Variants in FAM237A observed in about 807,000 individuals in gnomAD.
FAM237A encodes protein FAM237A.
Under a neutral mutation model 12.5 loss-of-function variants are expected in FAM237A, and 14 were observed. That is an observed-to-expected ratio of 1.12 (90% CI 0.74 to 1.75). FAM237A has a LOEUF of 1.75. Among genes scored for constraint, FAM237A ranks in the 40% most tolerant of loss-of-function variants. The pLI, the probability that FAM237A is intolerant of heterozygous loss-of-function variation, is 0.00. For synonymous variants in FAM237A, 85 were observed against 77.5 expected (o/e 1.10, Z -0.51); for missense variants, 240 against 211.7 (o/e 1.13, Z -0.83).
At chr2:206,647,638 C>CACACACACAG (rs1699333429) in intron 2 of FAM237A, among the ~76,000 whole-genome samples, 2 of 144,178 alleles carry the variant, frequency 1.4e-5, no homozygotes, top group Non-Finnish European at 3.1e-5. Context: ...CACAGACACA[C>CACACACACAG]ACACACACAC....
chr2:206,648,578 G>C, intron 2 of FAM237A, 83 bp from the exon 3 acceptor site: 1 of 1,373,534 alleles, frequency 7.3e-7, no homozygotes, highest in Non-Finnish European at 9.8e-7. Context: ...CATCAAACCT[G>C]CCTTTTAAAG....
In FAM237A at chr2:206,648,738, C is replaced by G. The variant is rs750888885; in HGVS notation, c.490C>G (p.Arg164Gly). Residue 164 changes from arginine (R) to glycine (G), a missense_variant, in exon 3 of 3, where the codon CGT becomes GGT. Transcript: ENST00000441223. ...LIEDLISMHV[R>G]RSGSSVIGKV... ...TGAAGATTTGATAAGCATGCATGTGCGTAGGAGTGGGTCTAGTGTCATTGG... is the reference window on the plus strand; with the variant it reads ...TGAAGATTTGATAAGCATGCATGTGGGTAGGAGTGGGTCTAGTGTCATTGG... 2 of 1,570,846 alleles carry G rather than the reference C, an allele frequency of 1.3e-6. No homozygotes were observed. The highest frequency in any genetic ancestry group is 8.6e-7 in the Non-Finnish European group (1 of 1,156,342).
At chr2:206,646,302 T>TAA (rs199557802) in intron 2 of FAM237A, among the ~76,000 whole-genome samples, 82 of 142,730 alleles carry the variant, frequency 5.7e-4, no homozygotes, top group African/African-American at 2.1e-3. Flanking sequence ...GACTCTATCT[T>TAA]AAAAAAAAAA....
chr2:206,646,512 C>T (rs1034385722), intron 2 of FAM237A, among the ~76,000 whole-genome samples: 12 of 152,132 alleles, frequency 7.9e-5, no homozygotes, highest in African/African-American at 2.9e-4. Flanking sequence ...TCACTTCCTT[C>T]GTCTTGCTAC....
At chr2:206,643,344 C>CT (rs1699277082) in intron 1 of FAM237A, 3 of 152,210 alleles carry the variant, frequency 2.0e-5, no homozygotes, top group East Asian at 1.9e-4. Flanking sequence ...AATATATACA[C>CT]TTTTTCTGGC....
chr2:206,643,445 G>A (rs1294828250), intron 1 of FAM237A: 1 of 152,104 alleles, frequency 6.6e-6, no homozygotes, highest in Non-Finnish European at 1.5e-5. Flanking sequence ...CAATTTCAAA[G>A]TGGTATGTAG....
At position 206,648,940 on chromosome 2, in the gene FAM237A, AG is replaced by A. The variant is rs1168865541; in HGVS notation, c.*147del. On this transcript the variant is annotated 3_prime_UTR_variant, in exon 3 of 3. Transcript: ENST00000441223. ...AAATTCTCTCAGTATACTAATTTAA[AG>A]CTGCCTTCTATTATTTATTTATTTA... is the stretch of plus-strand genomic sequence containing the variant. 1 of 501,532 alleles carries A rather than the reference AG, an allele frequency of 2.0e-6. No individual in the cohort carries two copies. Among genetic ancestry groups the A allele is most frequent in the Non-Finnish European group, 3.1e-6 (1 of 318,860 alleles). 31.1% of individuals were successfully genotyped at this position (501,532 alleles called of 1,614,324 possible).
At chr2:206,647,632 G>GACACACACACACACACAC (rs34672675) in intron 2 of FAM237A, among the ~76,000 whole-genome samples, 21 of 139,646 alleles carry the variant, frequency 1.5e-4, no homozygotes, top group South Asian at 5.1e-4. Context: ...GAGACACACA[G>GACACACACACACACACAC]ACACACACAC....
At position 206,648,912 on chromosome 2, in the gene FAM237A, C is replaced by A. The variant is rs927441042; in HGVS notation, c.*118C>A. On this transcript the variant is annotated 3_prime_UTR_variant, in exon 3 of 3. Coordinates refer to ENST00000441223, the MANE Select transcript of FAM237A (RefSeq NM_001102659.3). ...GGGAATGCCCAGAGATAAATATGAA[C>A]CCAAATTCTCTCAGTATACTAATTT... The A allele has an allele frequency of 2.2e-5, 16 of 732,528 alleles. No individual in the cohort carries two copies. Among genetic ancestry groups the A allele is most frequent in the African/African-American group, 2.1e-4 (11 of 53,464 alleles). 45.4% of individuals were successfully genotyped at this position (732,528 alleles called of 1,614,324 possible).
chr2:206,647,666 C>CACACAG (rs1303308418), intron 2 of FAM237A, among the ~76,000 whole-genome samples: 4 of 148,260 alleles, frequency 2.7e-5, no homozygotes, highest in East Asian at 2.0e-4. Flanking sequence ...CACACACACA[C>CACACAG]AGAGAGAGTG....
chr2:206,649,177 T>C lies in FAM237A; in HGVS notation c.*383T>C, dbSNP rs1699355692. On this transcript the variant is annotated 3_prime_UTR_variant, in exon 3 of 3. Coordinates refer to ENST00000441223, the MANE Select transcript of FAM237A (RefSeq NM_001102659.3). ...GGCTTCCAAGACTTCAACCACTGGA[T>C]TGCTTATGCACAGGCACATAAGGGA... is the stretch of plus-strand genomic sequence containing the variant. Among the ~76,000 whole-genome samples, 1 of 152,188 alleles carries C rather than the reference T, an allele frequency of 6.6e-6. No homozygotes were observed. The highest frequency in any genetic ancestry group is 6.5e-5 in the Admixed American group (1 of 15,274).
intron 2 of FAM237A, among the ~76,000 whole-genome samples, chr2:206,647,616 G>A (rs1465598826): frequency 7.3e-6 from 1 of 136,622 alleles, no homozygotes; most frequent in Non-Finnish European, 1.6e-5. Flanking sequence ...GAGAGAAAGG[G>A]TGAGAGAGAC....
At chr2:206,648,404 A>G (rs1350352595) in intron 2 of FAM237A, among the ~76,000 whole-genome samples, 1 of 152,184 alleles carries the variant, frequency 6.6e-6, no homozygotes, top group East Asian at 1.9e-4. Flanking sequence ...AATCAGGCAA[A>G]TATTTTAATG....
chr2:206,647,588 G>A (rs1699331887), intron 2 of FAM237A, among the ~76,000 whole-genome samples: 1 of 151,412 alleles, frequency 6.6e-6, no homozygotes, highest in Admixed American at 6.6e-5. Context: ...ATTTTGATGG[G>A]TTATGTTAAG....
At chr2:206,643,703 G>A (rs1297119818) in intron 1 of FAM237A, among the ~76,000 whole-genome samples, 1 of 151,994 alleles carries the variant, frequency 6.6e-6, no homozygotes, top group African/African-American at 2.4e-5. Flanking sequence ...TTAGCACATT[G>A]TCTTTTGTTA....
In FAM237A at chr2:206,648,913, C is replaced by A; in HGVS notation, c.*119C>A. 1.4e-6 allele frequency: 1 copy of A among 734,444 alleles called. No individual in the cohort carries two copies. The highest frequency in any genetic ancestry group is 1.9e-6 in the Non-Finnish European group (1 of 514,724). 45.5% of individuals were successfully genotyped at this position (734,444 alleles called of 1,614,324 possible). ...GGAATGCCCAGAGATAAATATGAAC[C>A]CAAATTCTCTCAGTATACTAATTTA... is the stretch of plus-strand genomic sequence containing the variant. On this transcript the variant is annotated 3_prime_UTR_variant, in exon 3 of 3. Coordinates refer to ENST00000441223, the MANE Select transcript of FAM237A (RefSeq NM_001102659.3).
chr2:206,645,938 T>C (rs1699311847), intron 2 of FAM237A, among the ~76,000 whole-genome samples: 1 of 151,362 alleles, frequency 6.6e-6, no homozygotes, highest in Non-Finnish European at 1.5e-5. Flanking sequence ...TCAGCACCAG[T>C]ACAGACCATG....
intron 2 of FAM237A, among the ~76,000 whole-genome samples, chr2:206,647,622 G>GAGACACAC (rs1241088732): frequency 1.4e-4 from 18 of 124,798 alleles, no homozygotes; most frequent in African/African-American, 5.5e-4. Flanking sequence ...AAGGGTGAGA[G>GAGACACAC]AGACACACAG....
At chr2:206,647,624 G>GACACACACACACACAC in intron 2 of FAM237A, among the ~76,000 whole-genome samples, 1 of 102,622 alleles carries the variant, frequency 9.7e-6, no homozygotes, top group East Asian at 3.6e-4. Flanking sequence ...GGGTGAGAGA[G>GACACACACACACACAC]ACACACAGAC....
Sources: allele counts gnomAD v4.1 joint callset (sites outside exome capture counted in the v4.1 genomes callset), GRCh38; gene constraint gnomAD v4.1.1; transcripts MANE v1.5; gene names NCBI Gene and HGNC (gene_info 2026-07-23, HGNC 2026-07-21).